The following RPA2 variants were observed in gnomAD, a reference collection of about 807,000 sequenced individuals.
The protein encoded by RPA2 is replication protein A 32 kDa subunit.
In RPA2, 22 loss-of-function variants were observed where a neutral mutation model predicts 33.4. The ratio of observed to expected loss-of-function variants is 0.66; its 90% confidence interval spans 0.47 to 0.94. RPA2 has a LOEUF of 0.94. Among genes scored for constraint, RPA2 ranks in the 40% least tolerant of loss-of-function variants. The pLI, the probability that RPA2 is intolerant of heterozygous loss-of-function variation, is 0.00. For missense variants in RPA2, 279 were observed against 329.9 expected, an observed-to-expected ratio of 0.85 and a Z score of 1.19; for synonymous variants, 109 against 114.9, an observed-to-expected ratio of 0.95 and a Z score of 0.33.
At chr1:27,903,140 G>C (rs2089987439) in intron 4 of RPA2, among the ~76,000 whole-genome samples, 1 of 152,068 alleles carries the variant, frequency 6.6e-6, no homozygotes, top group African/African-American at 2.4e-5. Flanking sequence ...TGTTGGCGGT[G>C]CCGGTCTTGA....
At chr1:27,914,614 A>T (rs776984960), upstream of RPA2, 1 of 1,613,936 alleles carries the variant, frequency 6.2e-7, no homozygotes, top group Non-Finnish European at 8.5e-7. Context: ...CGCTTCAGCC[A>T]ATCGGTGCTC....
At chr1:27,896,915 T>C in intron 6 of RPA2, 90 bp downstream of exon 6, 2 of 925,566 alleles carry the variant, frequency 2.2e-6, no homozygotes, top group Non-Finnish European at 3.4e-6. Flanking sequence ...GGCTCGGCCT[T>C]CAAAATATCA....
intron 4 of RPA2, among the ~76,000 whole-genome samples, chr1:27,900,535 C>G (rs953372932): frequency 5.3e-5 from 8 of 151,842 alleles, no homozygotes; most frequent in African/African-American, 1.9e-4. Context: ...GGGCTCACTG[C>G]TACCTCCACC....
In RPA2 at chr1:27,904,510, G is replaced by A. The variant is rs577807150; in HGVS notation, c.333+2418C>T. 3.0e-4 allele frequency among the ~76,000 whole-genome samples: 46 copies of A among 152,254 alleles called. No homozygotes were observed. In the South Asian group the frequency reaches 8.9e-3, roughly 29 times the overall value. On this transcript the variant is annotated intron_variant, in intron 4 of 8. Transcript: ENST00000373912. ...CTTTTTATACCTGGAACCAAGCACA[G>A]TCTAGTTCAGAATTGGTACTCCAAC...
intron 7 of RPA2, 32 bp from the exon 8 acceptor site, chr1:27,894,138 T>G: frequency 6.3e-7 from 1 of 1,599,778 alleles, no homozygotes; most frequent in Non-Finnish European, 8.6e-7. Context: ...ATTTTAGCAA[T>G]TATTTTGGAT....
chr1:27,893,192 G>A (rs1036637177), intron 8 of RPA2, among the ~76,000 whole-genome samples: 1 of 152,216 alleles, frequency 6.6e-6, no homozygotes, highest in Admixed American at 6.5e-5. Context: ...CTCACATATA[G>A]TGGTCCTTAG....
rs558232323 is a variant in RPA2, at chr1:27,900,514, T to C, written c.334-2807A>G. 1.2e-4 allele frequency among the ~76,000 whole-genome samples: 18 copies of C among 151,820 alleles called. No individual in the cohort carries two copies. In the East Asian group the frequency reaches 1.9e-3, roughly 16 times the overall value. ...CTCTGTCACCCAGGCTGGAGTGCAA[T>C]GGCACAATCTGGGCTCACTGCTACC... is the stretch of plus-strand genomic sequence containing the variant. On this transcript the variant is annotated intron_variant, in intron 4 of 8. Coordinates refer to ENST00000373912, the MANE Select transcript of RPA2 (RefSeq NM_002946.5).
At chr1:27,914,281 C>G in intron 1 of RPA2, 112 bp from the exon 2 acceptor site, 1 of 1,599,848 alleles carries the variant, frequency 6.3e-7, no homozygotes, top group Non-Finnish European at 8.5e-7. Context: ...CCTAACCTTC[C>G]TCGCCGCCTT....
At chr1:27,906,547 G>A (rs190472204) in intron 4 of RPA2, among the ~76,000 whole-genome samples, 103 of 144,458 alleles carry the variant, frequency 7.1e-4, no homozygotes, top group African/African-American at 2.3e-3. Context: ...AAAATTAGCC[G>A]GGCGTGGTGG....
intron 4 of RPA2, among the ~76,000 whole-genome samples, chr1:27,900,885 A>C (rs28905171): frequency 0.014 from 2,122 of 152,242 alleles, 45 homozygotes; most frequent in African/African-American, 0.047. Context: ...GGGTGGTCTC[A>C]AACTCCTGAC....
chr1:27,897,773 C>A, intron 4 of RPA2, 66 bp from the exon 5 acceptor site: 2 of 1,154,632 alleles, frequency 1.7e-6, no homozygotes, highest in Non-Finnish European at 2.4e-6. Context: ...TTTAACGTTT[C>A]TATATTATGT....
In RPA2 at chr1:27,894,095, C is replaced by T; in HGVS notation, c.645G>A (p.Leu215=). Reference sequence around the variant, plus strand: ...CTTCAGGTCTTGGACAAGCCTTAATCAAATTCAACACCTGAAGATTCAAAT... The same window carrying T: ...CTTCAGGTCTTGGACAAGCCTTAATTAAATTCAACACCTGAAGATTCAAAT... ...LTVAQNQVLN[L]IKACPRPEGL... The change falls in exon 8 of 9, where the codon TTG becomes TTA. Residue 215 remains leucine (L), a synonymous_variant. Transcript: ENST00000373912. The T allele has an allele frequency of 6.2e-7, 1 of 1,613,858 alleles. No homozygotes were observed. Among genetic ancestry groups the T allele is most frequent in the South Asian group, 1.1e-5 (1 of 91,062 alleles).
rs879927552 is a variant in RPA2, at chr1:27,891,963, T to A, written c.*200A>T. 2.0e-6 allele frequency: 1 copy of A among 501,790 alleles called. No individual in the cohort carries two copies. The highest frequency in any genetic ancestry group is 3.6e-6 in the Non-Finnish European group (1 of 277,606). The allele number at this position is 501,790 out of a possible 1,614,324, so 31.1% of individuals were successfully genotyped here. Reference sequence around the variant, plus strand: ...CCACCCTGGATTGCATCCCTGTCAATTGCCCATCTCCCTCTGAGCTTCAAA... The same window carrying A: ...CCACCCTGGATTGCATCCCTGTCAAATGCCCATCTCCCTCTGAGCTTCAAA... On this transcript the variant is annotated 3_prime_UTR_variant, in exon 9 of 9. Transcript: ENST00000373912.
upstream of RPA2, chr1:27,914,697 C>CA (rs1557478663): frequency 1.2e-6 from 2 of 1,609,948 alleles, no homozygotes; most frequent in East Asian, 2.2e-5. Flanking sequence ...CAGTTGGCTC[C>CA]AAAAGCCTCC....
chr1:27,910,784 C>G (rs2090086688), intron 2 of RPA2, among the ~76,000 whole-genome samples: 1 of 152,162 alleles, frequency 6.6e-6, no homozygotes, highest in Non-Finnish European at 1.5e-5. Flanking sequence ...CCCTTGACCC[C>G]TGGAGTTAAG....
intron 4 of RPA2, among the ~76,000 whole-genome samples, chr1:27,905,519 G>A (rs1053356513): frequency 6.6e-6 from 1 of 152,104 alleles, no homozygotes; most frequent in Non-Finnish European, 1.5e-5. Context: ...TCGAACTCCT[G>A]ACCTCAGGTG....
At chr1:27,896,744 C>G (rs1428468824) in intron 6 of RPA2, among the ~76,000 whole-genome samples, 1 of 152,160 alleles carries the variant, frequency 6.6e-6, no homozygotes, top group African/African-American at 2.4e-5. Flanking sequence ...CCTATAATTA[C>G]ATGTCTACAC....
intron 2 of RPA2, among the ~76,000 whole-genome samples, chr1:27,909,309 T>A (rs1471447714): frequency 3.3e-5 from 5 of 152,150 alleles, no homozygotes; most frequent in Non-Finnish European, 7.3e-5. Flanking sequence ...GAAGCATGAT[T>A]GTGAATGGTG....
intron 4 of RPA2, 47 bp downstream of exon 4, chr1:27,906,881 C>T (rs2090035331): frequency 1.5e-6 from 2 of 1,343,134 alleles, no homozygotes; most frequent in Non-Finnish European, 2.1e-6. Context: ...TTCAACATCT[C>T]CACAGTTCCA....
Sources: gnomAD v4.1 joint callset for allele counts (sites outside exome capture counted in the v4.1 genomes callset) on GRCh38, gnomAD v4.1.1 for gene constraint, MANE v1.5 for transcripts, NCBI Gene and HGNC (gene_info 2026-07-23, HGNC 2026-07-21) for gene names.